NAALADL2: variants seen among roughly 807,000 people sequenced by gnomAD.
The protein encoded by NAALADL2 is N-acetylated alpha-linked acidic dipeptidase like 2, also known as inactive N-acetylated-alpha-linked acidic dipeptidase-like protein 2.
NAALADL2 carries 76 observed loss-of-function variants against 87.2 expected under a neutral mutation model. That is an observed-to-expected ratio of 0.87 (90% CI 0.72 to 1.05). The LOEUF (loss-of-function observed/expected upper bound fraction) is 1.05, where lower values mean the gene tolerates loss of function less well. Among genes scored for constraint, NAALADL2 ranks in the 50% least tolerant of loss-of-function variants. NAALADL2 has a pLI of 0.00. For synonymous variants in NAALADL2, 354 were observed against 331.0 expected (o/e 1.07, Z -0.75); for missense variants, 1,089 against 945.8 (o/e 1.15, Z -1.99).
chr3:175,499,847 C>T (rs894867478), intron 9 of NAALADL2, among the ~76,000 whole-genome samples: 1 of 151,994 alleles, frequency 6.6e-6, no homozygotes, highest in Non-Finnish European at 1.5e-5. Context: ...TATGTATTTT[C>T]TTTATTATAA....
chr3:174,995,675 T>A (rs2108737926), intron 1 of NAALADL2, among the ~76,000 whole-genome samples: 1 of 152,194 alleles, frequency 6.6e-6, no homozygotes, highest in Non-Finnish European at 1.5e-5. Context: ...AAAAATATAT[T>A]ATAGAATTTT....
In NAALADL2 at chr3:174,915,949, TGGAA is replaced by T. The variant is rs1260241842; in HGVS notation, c.43+56504_43+56507del. Among the ~76,000 whole-genome samples, 4 of 152,250 alleles carry T rather than the reference TGGAA, an allele frequency of 2.6e-5. No homozygotes were observed. The East Asian group carries it at 7.7e-4, about 29-fold the overall frequency. On this transcript the variant is annotated intron_variant, in intron 1 of 13. Transcript: ENST00000454872. ...CAGAGTAAACAGGCAACCCACGTGT[TGGAA>T]GGAAATATTCACAAACTATGCATCT... is the stretch of plus-strand genomic sequence containing the variant.
At chr3:174,747,791 C>T (rs1449073904) in intron 3 of NAALADL2, among the ~76,000 whole-genome samples, 3 of 151,988 alleles carry the variant, frequency 2.0e-5, no homozygotes, top group African/African-American at 7.2e-5. Context: ...ACCATTTAAC[C>T]CAGCAATTCC....
intron 1 of NAALADL2, among the ~76,000 whole-genome samples, chr3:174,884,326 G>T (rs1257548436): frequency 6.6e-6 from 1 of 152,152 alleles, no homozygotes; most frequent in African/African-American, 2.4e-5. Context: ...AGAACTTTGT[G>T]TCCCAGCCCT....
In NAALADL2 at chr3:175,803,076, A is replaced by C. The variant is rs763263248; in HGVS notation, c.2261A>C (p.Lys754Thr). ...CTTATAGAGGCTTGGGAACACTGCAAACCCCTTGCATCAAATGAGACCCTT... is the reference window on the plus strand; with the variant it reads ...CTTATAGAGGCTTGGGAACACTGCACACCCCTTGCATCAAATGAGACCCTT... The part of the protein sequence containing the change: ...SILIEAWEHC[K>T]PLASNETLQE... The change falls in exon 14 of 14, where the codon AAA (lysine) becomes ACA (threonine). Residue 754 changes from lysine to threonine, a missense_variant. Coordinates refer to ENST00000454872, the MANE Select transcript of NAALADL2 (RefSeq NM_207015.3). 1 of 1,612,338 alleles carries C rather than the reference A, an allele frequency of 6.2e-7. No individual in the cohort carries two copies. The highest frequency in any genetic ancestry group is 8.5e-7 in the Non-Finnish European group (1 of 1,179,006).
chr3:175,744,426 T>TG (rs1351726493), intron 12 of NAALADL2, among the ~76,000 whole-genome samples: 1 of 152,204 alleles, frequency 6.6e-6, no homozygotes, highest in Non-Finnish European at 1.5e-5. Flanking sequence ...TGAAATTCCT[T>TG]GGGTCTCCCT....
intron 10 of NAALADL2, among the ~76,000 whole-genome samples, chr3:175,588,560 A>ATTTT (rs1720913308): frequency 1.7e-5 from 1 of 57,974 alleles, no homozygotes; most frequent in Non-Finnish European, 3.0e-5. Flanking sequence ...TTTTTTTGAG[A>ATTTT]TGGAATCTTG....
At position 174,783,849 on chromosome 3, in the gene NAALADL2, G is replaced by A. The variant is rs76484602; in HGVS notation, c.-9+46103G>A. ...ATCAGAAGGTTTGGAGGACTTCCAG[G>A]GCATCATTTTTTTCAGAAAATGCTC... On this transcript the variant is annotated intron_variant, in intron 3 of 3. Coordinates refer to the NAALADL2 transcript ENST00000434257. Among the ~76,000 whole-genome samples the A allele has an allele frequency of 8.4e-3, 1,275 of 152,030 alleles. 3 individuals are homozygous for A. The highest frequency in any genetic ancestry group is 0.018 in the African/African-American group (749 of 41,454).
At chr3:175,606,172 C>T (rs746617480) in intron 10 of NAALADL2, among the ~76,000 whole-genome samples, 1 of 152,084 alleles carries the variant, frequency 6.6e-6, no homozygotes, top group Non-Finnish European at 1.5e-5. Flanking sequence ...TTTAAAGTGC[C>T]AAAGTATTTA....
intron 12 of NAALADL2, among the ~76,000 whole-genome samples, chr3:175,747,762 T>A (rs140894200): frequency 1.3e-5 from 2 of 152,204 alleles, no homozygotes; most frequent in African/African-American, 4.8e-5. Flanking sequence ...CCACCTGAAT[T>A]TAATTCATTC....
In NAALADL2 at chr3:174,671,126, C is replaced by T. The variant is rs550309212; in HGVS notation, c.-114-66515C>T. Reference sequence around the variant, plus strand: ...ATGCTTTCTGTACAGGCTGTGGTACCGTGAACCAATTAAACCTCTTTTCTT... The same window carrying T: ...ATGCTTTCTGTACAGGCTGTGGTACTGTGAACCAATTAAACCTCTTTTCTT... On this transcript the variant is annotated intron_variant, in intron 2 of 3. Coordinates refer to the NAALADL2 transcript ENST00000434257. Among the ~76,000 whole-genome samples, 350 of 152,146 alleles carry T rather than the reference C, an allele frequency of 2.3e-3. 2 individuals are homozygous for T. Among genetic ancestry groups the T allele is most frequent in the Non-Finnish European group, 3.6e-3 (243 of 67,988 alleles).
chr3:174,756,763 G>C (rs1712137846), intron 3 of NAALADL2, among the ~76,000 whole-genome samples: 1 of 152,142 alleles, frequency 6.6e-6, no homozygotes, highest in African/African-American at 2.4e-5. Flanking sequence ...TCTGATTCCT[G>C]ATCTCGCAGC....
At chr3:175,691,218 A>G (rs893532709) in intron 11 of NAALADL2, among the ~76,000 whole-genome samples, 1 of 150,872 alleles carries the variant, frequency 6.6e-6, no homozygotes, top group African/African-American at 2.4e-5. Context: ...ATGTATGTGT[A>G]TATATATTTA....
At chr3:175,635,451 G>A (rs371381588) in intron 11 of NAALADL2, among the ~76,000 whole-genome samples, 132 of 152,044 alleles carry the variant, frequency 8.7e-4, no homozygotes, top group African/African-American at 2.7e-3. Context: ...GACTGATTTC[G>A]ACATGTATTT....
Position 175,663,400 on chromosome 3 carries a change from T to C in NAALADL2, c.1896+36014T>C, listed in dbSNP as rs148492454. On this transcript the variant is annotated intron_variant, in intron 11 of 13. Transcript: ENST00000454872. ...TTTATTTCTTTGACAGCAGTTGCAA[T>C]GTTTCCTTTTGCCTCTGATTTTATT... Among the ~76,000 whole-genome samples, 246 of 151,928 alleles carry C rather than the reference T, an allele frequency of 1.6e-3. 1 individual carries two copies. The highest frequency in any genetic ancestry group is 5.5e-3 in the African/African-American group (229 of 41,550).
chr3:175,243,894 C>A (rs1228433702), intron 3 of NAALADL2, among the ~76,000 whole-genome samples: 1 of 152,132 alleles, frequency 6.6e-6, no homozygotes, highest in African/African-American at 2.4e-5. Flanking sequence ...TTTAAAACTT[C>A]TCTCAAGTTA....
intron 2 of NAALADL2, among the ~76,000 whole-genome samples, chr3:174,621,293 A>AT (rs1396468819): frequency 3.3e-5 from 5 of 152,036 alleles, no homozygotes; most frequent in African/African-American, 1.2e-4. Context: ...CAAGAGGAAA[A>AT]TTTTTTATCG....
intron 1 of NAALADL2, among the ~76,000 whole-genome samples, chr3:174,926,356 C>A (rs61078865): frequency 5.3e-5 from 8 of 151,958 alleles, no homozygotes; most frequent in African/African-American, 1.9e-4. Flanking sequence ...ATACAGAGAA[C>A]GCCACAAAGA....
intron 2 of NAALADL2, among the ~76,000 whole-genome samples, chr3:175,224,890 C>T (rs1005393325): frequency 2.6e-5 from 4 of 152,246 alleles, no homozygotes; most frequent in East Asian, 3.9e-4. Flanking sequence ...CTTCCAAAGG[C>T]CAGCCATCTC....
Sources: allele counts gnomAD v4.1 joint callset (sites outside exome capture counted in the v4.1 genomes callset), GRCh38; gene constraint gnomAD v4.1.1; transcripts MANE v1.5; gene names NCBI Gene and HGNC (gene_info 2026-07-23, HGNC 2026-07-21).